Variants in MINDY4 observed in about 807,000 individuals in gnomAD.
MINDY4 encodes the protein probable ubiquitin carboxyl-terminal hydrolase MINDY-4.
A neutral mutation model predicts 87.0 loss-of-function variants in MINDY4; 68 were observed. The ratio of observed to expected loss-of-function variants is 0.78; its 90% confidence interval spans 0.64 to 0.96. The LOEUF (loss-of-function observed/expected upper bound fraction) is 0.96, where lower values mean the gene tolerates loss of function less well. Among genes scored for constraint, MINDY4 ranks in the 40% least tolerant of loss-of-function variants. MINDY4 has a pLI of 0.00. For synonymous variants in MINDY4, 379 were observed against 363.2 expected, an observed-to-expected ratio of 1.04 and a Z score of -0.50; for missense variants, 919 against 928.2, an observed-to-expected ratio of 0.99 and a Z score of 0.13.
At chr7:30,827,462 C>T (rs1345232507) in intron 5 of MINDY4, among the ~76,000 whole-genome samples, 1 of 152,144 alleles carries the variant, frequency 6.6e-6, no homozygotes, top group Non-Finnish European at 1.5e-5. Context: ...AACTCAGTGT[C>T]GACTGCCCCT....
At chr7:30,786,540 T>C (rs1454042463) in intron 4 of MINDY4, 1 of 153,608 alleles carries the variant, frequency 6.5e-6, no homozygotes, top group East Asian at 1.9e-4. Flanking sequence ...GTGGGGAGGA[T>C]TGCTTGAACC....
chr7:30,778,164 C>G (rs1786885096), intron 1 of MINDY4, among the ~76,000 whole-genome samples: 1 of 152,092 alleles, frequency 6.6e-6, no homozygotes, highest in Admixed American at 6.6e-5. Context: ...TACTATGGTT[C>G]CAAATGTAGG....
At chr7:30,853,276 G>A (rs1019568549) in intron 11 of MINDY4, 118 bp from the exon 12 acceptor site, 39 of 778,208 alleles carry the variant, frequency 5.0e-5, no homozygotes, top group African/African-American at 5.1e-5. Context: ...GCTCTCTGAC[G>A]CAGGGACATT....
chr7:30,843,166 T>G (rs1044938319), intron 9 of MINDY4, among the ~76,000 whole-genome samples: 2 of 152,180 alleles, frequency 1.3e-5, no homozygotes, highest in African/African-American at 2.4e-5. Flanking sequence ...CCCTCAGAAT[T>G]TTTGTTGAGA....
intron 3 of MINDY4, 118 bp downstream of exon 3, chr7:30,782,330 GTGTGTGTATGTT>G (rs1392481008): frequency 1.4e-6 from 1 of 728,900 alleles, no homozygotes; most frequent in Non-Finnish European, 2.2e-6. Context: ...TATAGTCTCT[GTGTGTGTATGTT>G]TGTGTGTGTG....
At chr7:30,828,567 G>A (rs1788591416) in intron 5 of MINDY4, 112 bp from the exon 6 acceptor site, 2 of 1,115,096 alleles carry the variant, frequency 1.8e-6, no homozygotes, top group South Asian at 1.3e-5. Flanking sequence ...GCAAGGCCAA[G>A]ACTAGAGAGA....
At chr7:30,854,700 C>T (rs1475402142) in intron 12 of MINDY4, among the ~76,000 whole-genome samples, 1 of 152,246 alleles carries the variant, frequency 6.6e-6, no homozygotes, top group Non-Finnish European at 1.5e-5. Context: ...AAAGCTCCTG[C>T]TGTCAGACTG....
intron 6 of MINDY4, among the ~76,000 whole-genome samples, chr7:30,831,554 C>G (rs569203517): frequency 1.2e-4 from 19 of 152,228 alleles, no homozygotes; most frequent in African/African-American, 4.3e-4. Flanking sequence ...GCTGGACCGG[C>G]ATGGTGGGTG....
In MINDY4 at chr7:30,859,270, C is replaced by A. The variant is rs1412442048; in HGVS notation, c.1691C>A (p.Pro564His). The stretch of plus-strand genomic sequence containing the variant: ...TCCCCCTCCCAGTTTGAAGTGGGCC[C>A]CTATGGCTGCATCCTGCTCACCCTT... ...QQSIHQFEVG[P>H]YGCILLTLSA... Residue 564 changes from proline (P) to histidine (H), a missense_variant, in exon 13 of 18, where the codon CCC becomes CAC. Pro to His is a moderately conservative substitution (Grantham distance 77). Transcript: ENST00000265299. 1 of 1,613,972 alleles carries A rather than the reference C, an allele frequency of 6.2e-7. No individual in the cohort carries two copies. Among genetic ancestry groups the A allele is most frequent in the Admixed American group, 1.7e-5 (1 of 60,008 alleles).
At chr7:30,821,649 C>G (rs185865025) in intron 5 of MINDY4, among the ~76,000 whole-genome samples, 10 of 152,248 alleles carry the variant, frequency 6.6e-5, no homozygotes, top group Non-Finnish European at 1.5e-5. Context: ...AGGTATTTCC[C>G]TTCCTAAATT....
chr7:30,824,271 T>C (rs1788430902), intron 5 of MINDY4, among the ~76,000 whole-genome samples: 2 of 152,198 alleles, frequency 1.3e-5, no homozygotes, highest in African/African-American at 4.8e-5. Context: ...CTAATTCAGA[T>C]CTGTCTTCCT....
chr7:30,834,126 A>G (rs532057139), intron 6 of MINDY4, among the ~76,000 whole-genome samples: 57 of 152,258 alleles, frequency 3.7e-4, no homozygotes, highest in African/African-American at 1.3e-3. Flanking sequence ...CCCCGTAGGG[A>G]TTCTTTGTGG....
chr7:30,772,200 G>A (rs1032001523), intron 1 of MINDY4, among the ~76,000 whole-genome samples: 7 of 152,252 alleles, frequency 4.6e-5, no homozygotes, highest in Admixed American at 2.0e-4. Flanking sequence ...TCTTGGGCGT[G>A]GTAGTGGAGG....
In MINDY4 at chr7:30,843,828, G is replaced by A. The variant is rs1026172061; in HGVS notation, c.1445+2980G>A. ...CAGCCCAGTGGGTCCTGGGGCTGTG[G>A]GGGTGGGCAGAGGAGGAGGGAAGAA... On this transcript the variant is annotated intron_variant, in intron 9 of 17. Transcript: ENST00000265299. Among the ~76,000 whole-genome samples, 7 of 152,326 alleles carry A rather than the reference G, an allele frequency of 4.6e-5. 1 individual carries two copies. Among genetic ancestry groups the A allele is most frequent in the Middle Eastern group, 3.4e-3 (1 of 294 alleles).
At chr7:30,785,716 G>T in intron 3 of MINDY4, 33 bp from the exon 4 acceptor site, 1 of 1,611,766 alleles carries the variant, frequency 6.2e-7, no homozygotes, top group Admixed American at 1.7e-5. Context: ...CTTTTGGGGA[G>T]TCTGTTTTAA....
intron 17 of MINDY4, among the ~76,000 whole-genome samples, chr7:30,889,191 CA>C (rs369634946): frequency 9.7e-4 from 147 of 152,234 alleles, no homozygotes; most frequent in African/African-American, 3.4e-3. Context: ...CTTAATAGAA[CA>C]ATAAAAGCTT....
intron 5 of MINDY4, among the ~76,000 whole-genome samples, chr7:30,823,611 G>A (rs1788406674): frequency 1.3e-5 from 2 of 151,840 alleles, no homozygotes; most frequent in South Asian, 2.1e-4. Flanking sequence ...TTTTCATAAT[G>A]TCTAGCTCTT....
intron 10 of MINDY4, 65 bp from the exon 11 acceptor site, chr7:30,852,151 G>T (rs766210044): frequency 2.5e-6 from 4 of 1,594,044 alleles, no homozygotes; most frequent in Admixed American, 1.7e-5. Flanking sequence ...ATGTGGTTTC[G>T]CCCCGGCTGG....
chr7:30,791,685 A>C, intron 5 of MINDY4, 111 bp downstream of exon 5: 84 of 1,200,198 alleles, frequency 7.0e-5, no homozygotes, highest in Non-Finnish European at 9.0e-5. Context: ...TTGGTCTCTC[A>C]GAACAAGCCT....
Sources: gnomAD v4.1 joint callset for allele counts (sites outside exome capture counted in the v4.1 genomes callset) on GRCh38, gnomAD v4.1.1 for gene constraint, MANE v1.5 for transcripts, NCBI Gene and HGNC (gene_info 2026-07-23, HGNC 2026-07-21) for gene names.